Variants in LINGO2 observed in about 807,000 individuals in gnomAD.
LINGO2 encodes the protein leucine-rich repeat and immunoglobulin-like domain-containing nogo receptor-interacting protein 2.
In LINGO2, 14 loss-of-function variants were observed where a neutral mutation model predicts 30.6. That is an observed-to-expected ratio of 0.46 (90% CI 0.30 to 0.72). LINGO2 has a LOEUF of 0.72. LINGO2 is among the 30% of genes least tolerant of loss of function. The pLI, the probability that LINGO2 is intolerant of heterozygous loss-of-function variation, is 0.07. For synonymous variants in LINGO2, 317 were observed against 288.5 expected (o/e 1.10, Z -1.00); for missense variants, 729 against 751.7 (o/e 0.97, Z 0.35).
At chr9:28,553,990 T>A (rs1202801963) in intron 1 of LINGO2, among the ~76,000 whole-genome samples, 2 of 151,940 alleles carry the variant, frequency 1.3e-5, no homozygotes, top group African/African-American at 4.8e-5. Flanking sequence ...AAAGAGCTGC[T>A]GAAGGAAGCG....
intron 2 of LINGO2, among the ~76,000 whole-genome samples, chr9:28,450,731 G>A (rs1281247859): frequency 6.6e-6 from 1 of 151,938 alleles, no homozygotes; most frequent in South Asian, 2.1e-4. Context: ...CTGACTATGG[G>A]TTGAAGTATG....
chr9:28,732,488 A>T, the LINGO2 span, among the ~76,000 whole-genome samples: 1 of 152,188 alleles, frequency 6.6e-6, no homozygotes, highest in South Asian at 2.1e-4. Context: ...TTACCCCTTG[A>T]ATATGGTAGA....
chr9:28,230,865 G>A (rs1387234641), intron 4 of LINGO2, among the ~76,000 whole-genome samples: 1 of 151,680 alleles, frequency 6.6e-6, no homozygotes, highest in Non-Finnish European at 1.5e-5. Flanking sequence ...TATAAATGTT[G>A]ACGTCACAGT....
intron 1 of LINGO2, among the ~76,000 whole-genome samples, chr9:28,558,999 C>T (rs1016953213): frequency 1.3e-5 from 2 of 152,002 alleles, no homozygotes; most frequent in Non-Finnish European, 2.9e-5. Flanking sequence ...AGTAACCATG[C>T]TTTGGTTTCT....
chr9:28,275,105 G>A (rs1823069870), intron 4 of LINGO2, among the ~76,000 whole-genome samples: 1 of 152,038 alleles, frequency 6.6e-6, no homozygotes, highest in Non-Finnish European at 1.5e-5. Flanking sequence ...GTCTCACTCT[G>A]TCGCCCAGGC....
At chr9:28,052,609 A>G (rs763016074) in intron 4 of LINGO2, among the ~76,000 whole-genome samples, 4 of 152,096 alleles carry the variant, frequency 2.6e-5, no homozygotes, top group Non-Finnish European at 4.4e-5. Context: ...CATCTCTCAT[A>G]TAAACTTATG....
rs1301074979 is a variant in LINGO2, at chr9:28,231,042, A to G, written c.-87+64166T>C. 2.0e-5 allele frequency among the ~76,000 whole-genome samples: 3 copies of G among 152,042 alleles called. No homozygotes were observed. The East Asian group carries it at 5.8e-4, about 29-fold the overall frequency. On this transcript the variant is annotated intron_variant, in intron 4 of 5. Transcript: ENST00000379992. ...CACACATTTCATGAGTTCCTATAAG[A>G]CAATGAATATACTAATATATAATAT...
intron 4 of LINGO2, among the ~76,000 whole-genome samples, chr9:28,157,706 T>C (rs999437614): frequency 2.6e-5 from 4 of 152,208 alleles, no homozygotes; most frequent in African/African-American, 9.6e-5. Context: ...ACCTCTTGAA[T>C]GCTTTGCTGC....
intron 5 of LINGO2, among the ~76,000 whole-genome samples, chr9:27,951,790 T>G (rs1819326997): frequency 6.6e-6 from 1 of 152,154 alleles, no homozygotes; most frequent in South Asian, 2.1e-4. Context: ...TTTCATAAAC[T>G]TCAACATTCA....
chr9:27,949,130 G>C, exon 6 of LINGO2: 3 of 1,614,098 alleles, frequency 1.9e-6, no homozygotes, highest in Non-Finnish European at 2.5e-6. Flanking sequence ...TGTACATAGG[G>C]GTCCTGTTCG....
chr9:28,557,897 CA>C (rs1189682398), intron 1 of LINGO2, among the ~76,000 whole-genome samples: 1 of 148,724 alleles, frequency 6.7e-6, no homozygotes, highest in Non-Finnish European at 1.5e-5. Flanking sequence ...ATCGCAAGGA[CA>C]AAAAACCAAA....
the LINGO2 span, among the ~76,000 whole-genome samples, chr9:28,677,837 TC>T: frequency 6.6e-6 from 1 of 152,070 alleles, no homozygotes; most frequent in Non-Finnish European, 1.5e-5. Context: ...GGTAGGAAGA[TC>T]AGGCAGTAAC....
At chr9:28,428,383 C>T (rs991598125) in intron 2 of LINGO2, among the ~76,000 whole-genome samples, 14 of 152,182 alleles carry the variant, frequency 9.2e-5, no homozygotes, top group Non-Finnish European at 1.5e-4. Flanking sequence ...CTCTGGCTGA[C>T]GAAGCAGAAT....
At chr9:28,783,919 A>G in the LINGO2 span, among the ~76,000 whole-genome samples, 1 of 152,152 alleles carries the variant, frequency 6.6e-6, no homozygotes, top group African/African-American at 2.4e-5. Flanking sequence ...TTGCATCCTT[A>G]TGTAGTGGAA....
the LINGO2 span, among the ~76,000 whole-genome samples, chr9:28,775,257 C>T: frequency 1.3e-5 from 2 of 152,244 alleles, no homozygotes; most frequent in Non-Finnish European, 2.9e-5. Flanking sequence ...TCTAAAGCTG[C>T]TCCCTACATT....
intron 5 of LINGO2, among the ~76,000 whole-genome samples, chr9:27,965,923 T>G (rs1027966251): frequency 4.6e-5 from 7 of 152,102 alleles, no homozygotes; most frequent in Non-Finnish European, 1.0e-4. Flanking sequence ...AAAGCACATA[T>G]GCGCAACCGT....
chr9:28,453,604 T>C (rs138929906), intron 2 of LINGO2, among the ~76,000 whole-genome samples: 69 of 152,104 alleles, frequency 4.5e-4, no homozygotes, highest in African/African-American at 1.5e-3. Flanking sequence ...ACCTAGATTA[T>C]TGGGAATCTC....
intron 1 of LINGO2, among the ~76,000 whole-genome samples, chr9:28,541,772 T>C (rs935942361): frequency 1.6e-4 from 25 of 152,230 alleles, no homozygotes; most frequent in Admixed American, 1.3e-4. Flanking sequence ...ATTAGAAAAA[T>C]AGAACCCACC....
At chr9:28,988,614 G>T in the LINGO2 span, among the ~76,000 whole-genome samples, 141 of 152,224 alleles carry the variant, frequency 9.3e-4, 1 homozygote, top group African/African-American at 3.3e-3. Flanking sequence ...TACCCCAGGT[G>T]ATCTAGCCAT....
Sources: gnomAD v4.1 joint callset for allele counts (sites outside exome capture counted in the v4.1 genomes callset) on GRCh38, gnomAD v4.1.1 for gene constraint, MANE v1.5 for transcripts, NCBI Gene and HGNC (gene_info 2026-07-23, HGNC 2026-07-21) for gene names.